Variants in MYO3A observed in about 807,000 individuals in gnomAD.
MYO3A encodes myosin IIIA.
Under a neutral mutation model 192.7 loss-of-function variants are expected in MYO3A, and 180 were observed. The ratio of observed to expected loss-of-function variants is 0.93; its 90% CI spans 0.83 to 1.06. MYO3A has a LOEUF of 1.06. Ranked by LOEUF, MYO3A falls within the 50% of genes least tolerant of loss-of-function variation. The pLI is 0.00. For missense variants in MYO3A, 1,896 were observed against 1,905.0 expected (o/e 1.00, Z 0.09); for synonymous variants, 628 against 645.3 (o/e 0.97, Z 0.41).
At chr10:25,950,803 TTG>T (rs1837162242) in intron 2 of MYO3A, among the ~76,000 whole-genome samples, 1 of 152,090 alleles carries the variant, frequency 6.6e-6, no homozygotes, top group Non-Finnish European at 1.5e-5. Flanking sequence ...AAGGTGAAAG[TTG>T]TGAGTGTGGC....
intron 20 of MYO3A, among the ~76,000 whole-genome samples, chr10:26,135,933 C>T (rs1589017160): frequency 6.7e-6 from 1 of 148,772 alleles, no homozygotes; most frequent in East Asian, 2.0e-4. Context: ...GTCCACTTCA[C>T]TCCAGCCTGG....
At chr10:26,203,895 A>T (rs1843789632) in intron 34 of MYO3A, among the ~76,000 whole-genome samples, 1 of 152,208 alleles carries the variant, frequency 6.6e-6, no homozygotes, top group Non-Finnish European at 1.5e-5. Flanking sequence ...CCTGCTGCTT[A>T]GTTGTTGAGT....
Position 26,193,146 on chromosome 10 carries a change from AC to A in MYO3A, c.4439-58del. ...ATTTCTTATTTATCCCAAAAGGAAA[AC>A]ATCACTTGATAATAGTATTTGTAAT... On this transcript the variant is annotated intron_variant, in intron 31 of 34. Transcript: ENST00000642920. 6 of 1,297,256 alleles carry A rather than the reference AC, an allele frequency of 4.6e-6. No homozygotes were observed. In the South Asian group the frequency reaches 7.3e-5, roughly 16 times the overall value. The allele number at this position is 1,297,256 out of a possible 1,614,324, so 80.4% of individuals were successfully genotyped here.
intron 2 of MYO3A, among the ~76,000 whole-genome samples, chr10:25,942,347 C>T (rs1440590347): frequency 6.6e-6 from 1 of 152,186 alleles, no homozygotes; most frequent in Non-Finnish European, 1.5e-5. Flanking sequence ...ATCCATCTGT[C>T]AGTGGACATG....
At chr10:26,096,750 T>A in intron 17 of MYO3A, 68 bp downstream of exon 17, 1 of 1,093,448 alleles carries the variant, frequency 9.1e-7, no homozygotes, top group Non-Finnish European at 1.4e-6. Flanking sequence ...TTAAGAGCAT[T>A]TATTGAGTGA....
At chr10:25,944,367 T>C (rs1438674862) in intron 2 of MYO3A, among the ~76,000 whole-genome samples, 3 of 152,056 alleles carry the variant, frequency 2.0e-5, no homozygotes, top group African/African-American at 7.2e-5. Flanking sequence ...TATTCTCTTG[T>C]AGTGCCATTG....
chr10:25,996,855 A>G (rs1840475245), intron 5 of MYO3A, among the ~76,000 whole-genome samples: 1 of 152,186 alleles, frequency 6.6e-6, no homozygotes, highest in African/African-American at 2.4e-5. Flanking sequence ...TAGAAAACTA[A>G]TAATAGGGTT....
intron 26 of MYO3A, among the ~76,000 whole-genome samples, chr10:26,163,172 G>A (rs749051341): frequency 6.6e-6 from 1 of 152,180 alleles, no homozygotes; most frequent in Non-Finnish European, 1.5e-5. Context: ...CATCATGTGT[G>A]GCAAACAATT....
At chr10:26,104,051 T>G (rs1837636110) in intron 17 of MYO3A, among the ~76,000 whole-genome samples, 1 of 152,076 alleles carries the variant, frequency 6.6e-6, no homozygotes, top group East Asian at 1.9e-4. Flanking sequence ...GTCTTTTTAT[T>G]ATTGAGTTGT....
At chr10:25,938,452 A>G (rs1185911063) in intron 2 of MYO3A, among the ~76,000 whole-genome samples, 1 of 152,202 alleles carries the variant, frequency 6.6e-6, no homozygotes, top group Non-Finnish European at 1.5e-5. Flanking sequence ...GCAGGAAAAT[A>G]AGATGATCTG....
chr10:26,157,542 A>G (rs928136118), intron 26 of MYO3A, 27 bp downstream of exon 26: 14 of 1,593,884 alleles, frequency 8.8e-6, no homozygotes, highest in South Asian at 1.1e-5. Flanking sequence ...TTCAGTTTCT[A>G]TTGTGCAGTT....
chr10:25,952,523 C>T (rs945739014), intron 3 of MYO3A, among the ~76,000 whole-genome samples: 3 of 151,942 alleles, frequency 2.0e-5, no homozygotes, highest in African/African-American at 7.3e-5. Context: ...AGCTCTCAAC[C>T]GACGATATTA....
At chr10:26,204,871 TC>T (rs1270173877) in intron 34 of MYO3A, among the ~76,000 whole-genome samples, 1 of 152,218 alleles carries the variant, frequency 6.6e-6, no homozygotes, top group Admixed American at 6.5e-5. Flanking sequence ...GGTTTTTTTT[TC>T]TAAACTAAGG....
rs1157317800 is a variant in MYO3A, at chr10:26,193,324, C to G, written c.4545+13C>G. ...TTATCTACTTCATGTAAGTGGCTCA[C>G]TCTTACTATCAGATGGGAGCCATCA... On this transcript the variant is annotated intron_variant, in intron 32 of 34. Transcript: ENST00000642920. The G allele has an allele frequency of 5.1e-6, 8 of 1,583,462 alleles. No individual in the cohort carries two copies. Among genetic ancestry groups the G allele is most frequent in the Non-Finnish European group, 6.9e-6 (8 of 1,153,030 alleles).
intron 4 of MYO3A, among the ~76,000 whole-genome samples, chr10:25,991,357 GTTGT>G (rs1840017762): frequency 2.0e-5 from 3 of 152,068 alleles, no homozygotes; most frequent in Admixed American, 1.3e-4. Context: ...TGTTGATGGG[GTTGT>G]TTGTTTTTTT....
intron 31 of MYO3A, among the ~76,000 whole-genome samples, chr10:26,188,292 T>G (rs1589104946): frequency 1.3e-5 from 2 of 152,218 alleles, no homozygotes; most frequent in Admixed American, 6.5e-5. Context: ...AATGTCTTCT[T>G]TTGAGAAGTG....
intron 7 of MYO3A, among the ~76,000 whole-genome samples, 180 bp downstream of exon 7, chr10:26,017,076 G>A (rs1420416277): frequency 6.6e-6 from 1 of 152,180 alleles, no homozygotes; most frequent in African/African-American, 2.4e-5. Flanking sequence ...CAATAAATGG[G>A]CTGTGAATGA....
chr10:26,026,166 A>G (rs1240352677), intron 9 of MYO3A, among the ~76,000 whole-genome samples: 1 of 149,348 alleles, frequency 6.7e-6, no homozygotes, highest in Non-Finnish European at 1.5e-5. Flanking sequence ...AATCACTCAC[A>G]GATGTGTGCA....
chr10:25,959,150 C>T (rs1037077779), intron 4 of MYO3A, among the ~76,000 whole-genome samples: 8 of 152,090 alleles, frequency 5.3e-5, no homozygotes, highest in Admixed American at 3.3e-4. Flanking sequence ...TATTTGGATG[C>T]CCTTTATTTC....
Sources: gnomAD v4.1 joint callset for allele counts (sites outside exome capture counted in the v4.1 genomes callset) on GRCh38, gnomAD v4.1.1 for gene constraint, MANE v1.5 for transcripts, NCBI Gene and HGNC (gene_info 2026-07-23, HGNC 2026-07-21) for gene names.